The following CATSPERE variants were observed in gnomAD, a reference collection of about 807,000 sequenced individuals.
CATSPERE encodes catsper channel auxiliary subunit epsilon.
Under a neutral mutation model 114.1 loss-of-function variants are expected in CATSPERE, and 93 were observed. That is an observed-to-expected ratio of 0.81 (90% CI 0.69 to 0.97). CATSPERE has a LOEUF of 0.97. CATSPERE is among the 50% of genes least tolerant of loss of function. The probability of loss-of-function intolerance (pLI) is 0.00; values close to 1 mark genes in which losing one functional copy is unlikely to be tolerated. For missense variants in CATSPERE, 1,058 were observed against 1,131.6 expected (o/e 0.93, Z 0.93); for synonymous variants, 341 against 384.1 (o/e 0.89, Z 1.31).
At chr1:244,523,035 A>G (rs1194400599) in intron 8 of CATSPERE, among the ~76,000 whole-genome samples, 1 of 149,418 alleles carries the variant, frequency 6.7e-6, no homozygotes, top group Non-Finnish European at 1.5e-5. Context: ...ACAACCAAAA[A>G]AAGAGAATTT....
chr1:244,609,359 T>TG (rs1303600076), intron 18 of CATSPERE, among the ~76,000 whole-genome samples: 1 of 141,026 alleles, frequency 7.1e-6, no homozygotes, highest in Admixed American at 7.1e-5. Flanking sequence ...TATCACTTCC[T>TG]TTTTTTTTTT....
At chr1:244,578,839 T>C (rs566582727) in intron 11 of CATSPERE, among the ~76,000 whole-genome samples, 19 of 147,076 alleles carry the variant, frequency 1.3e-4, no homozygotes, top group African/African-American at 4.7e-4. Flanking sequence ...TATATATATA[T>C]ATATACACAC....
At chr1:244,486,059 A>G (rs1437884381) in intron 5 of CATSPERE, among the ~76,000 whole-genome samples, 1 of 152,154 alleles carries the variant, frequency 6.6e-6, no homozygotes, top group Non-Finnish European at 1.5e-5. Flanking sequence ...TTTCTGCATC[A>G]TTACATCCAA....
chr1:244,540,075 G>C (rs1463105729), intron 8 of CATSPERE, among the ~76,000 whole-genome samples: 1 of 150,982 alleles, frequency 6.6e-6, no homozygotes, highest in African/African-American at 2.4e-5. Context: ...AAAACTGGAA[G>C]CATTCCCTTT....
intron 8 of CATSPERE, among the ~76,000 whole-genome samples, chr1:244,543,256 A>G (rs1659156037): frequency 6.6e-6 from 1 of 152,168 alleles, no homozygotes; most frequent in Non-Finnish European, 1.5e-5. Flanking sequence ...TGCATGGATA[A>G]AGAAGATGTG....
At chr1:244,584,268 C>G (rs4553171) in intron 13 of CATSPERE, among the ~76,000 whole-genome samples, 28,193 of 151,986 alleles carry the variant, frequency 0.19, 3,792 homozygotes, top group East Asian at 0.41. Context: ...GACAGGGTAC[C>G]TTCCCTAGAG....
At chr1:244,474,103 C>A (rs542135713) in intron 2 of CATSPERE, among the ~76,000 whole-genome samples, 1 of 152,150 alleles carries the variant, frequency 6.6e-6, no homozygotes, top group South Asian at 2.1e-4. Context: ...GTGATCTCGA[C>A]TCACTGCAAC....
At chr1:244,623,154 T>C (rs1672626264) in intron 20 of CATSPERE, among the ~76,000 whole-genome samples, 1 of 152,086 alleles carries the variant, frequency 6.6e-6, no homozygotes, top group African/African-American at 2.4e-5. Context: ...TTCAGTTCAC[T>C]GCAACCTCCA....
chr1:244,572,291 G>T (rs79027910), intron 10 of CATSPERE, 39 bp from the exon 11 acceptor site: 10,229 of 984,104 alleles, frequency 0.01, 67 homozygotes, highest in Non-Finnish European at 0.012. Flanking sequence ...CACGATTTAT[G>T]GTTACTTAGA....
At chr1:244,576,135 C>T (rs1233587142) in intron 11 of CATSPERE, among the ~76,000 whole-genome samples, 2 of 152,024 alleles carry the variant, frequency 1.3e-5, no homozygotes, top group African/African-American at 2.4e-5. Flanking sequence ...ACCTGGTCCA[C>T]GTGGTATGTG....
At chr1:244,466,358 G>C (rs980818653) in intron 2 of CATSPERE, among the ~76,000 whole-genome samples, 1 of 152,142 alleles carries the variant, frequency 6.6e-6, no homozygotes, top group Admixed American at 6.5e-5. Context: ...TTGCTTTGCA[G>C]AACAGCTTGC....
intron 11 of CATSPERE, among the ~76,000 whole-genome samples, chr1:244,577,278 A>G (rs180746557): frequency 1.4e-3 from 206 of 151,378 alleles, no homozygotes; most frequent in African/African-American, 4.7e-3. Context: ...TTATCAATCT[A>G]TAATATTATA....
intron 13 of CATSPERE, 93 bp from the exon 14 acceptor site, chr1:244,588,389 T>C (rs900950483): frequency 2.8e-5 from 26 of 924,418 alleles, no homozygotes; most frequent in Admixed American, 7.1e-5. Flanking sequence ...AAGTTATTAT[T>C]TTAAATCTAA....
At chr1:244,508,831 T>TA (rs960028586) in intron 7 of CATSPERE, among the ~76,000 whole-genome samples, 20,929 of 114,106 alleles carry the variant, frequency 0.18, 1,958 homozygotes, top group African/African-American at 0.21. Context: ...ACCCTATCTC[T>TA]AAAAAAAAAA....
At chr1:244,501,542 C>T (rs1674033963) in intron 7 of CATSPERE, among the ~76,000 whole-genome samples, 1 of 152,142 alleles carries the variant, frequency 6.6e-6, no homozygotes, top group African/African-American at 2.4e-5. Flanking sequence ...TAATCAAATT[C>T]ACAAGGGAAG....
At chr1:244,558,645 A>G (rs1162801984) in intron 9 of CATSPERE, among the ~76,000 whole-genome samples, 1 of 152,156 alleles carries the variant, frequency 6.6e-6, no homozygotes, top group Non-Finnish European at 1.5e-5. Flanking sequence ...TCTCTGCTTT[A>G]CAACTTAGCT....
At chr1:244,490,426 G>A (rs377308036) in intron 5 of CATSPERE, 21 bp from the exon 6 acceptor site, 176 of 1,523,076 alleles carry the variant, frequency 1.2e-4, no homozygotes, top group Non-Finnish European at 1.3e-4. Context: ...ACTAAAATAT[G>A]TTTCCTCTTT....
chr1:244,489,492 AAG>A (rs1671619308), intron 5 of CATSPERE, among the ~76,000 whole-genome samples: 2 of 119,284 alleles, frequency 1.7e-5, no homozygotes, highest in Non-Finnish European at 3.3e-5. Flanking sequence ...GGTGGAAAGA[AAG>A]AGGTTTATTG....
At chr1:244,621,041 T>TATATATAAATATATATAAA (rs1558608490) in intron 20 of CATSPERE, among the ~76,000 whole-genome samples, 1 of 71,630 alleles carries the variant, frequency 1.4e-5, no homozygotes, top group South Asian at 3.8e-4. Flanking sequence ...ATATATAAAA[T>TATATATAAATATATATAAA]ATATATATAA....
Sources: gnomAD v4.1 joint callset for allele counts (sites outside exome capture counted in the v4.1 genomes callset) on GRCh38, gnomAD v4.1.1 for gene constraint, MANE v1.5 for transcripts, NCBI Gene and HGNC (gene_info 2026-07-23, HGNC 2026-07-21) for gene names.